Variants in CLNK observed in about 807,000 individuals in gnomAD.
CLNK encodes the protein cytokine dependent hematopoietic cell linker.
In CLNK, 74 loss-of-function variants were observed where a neutral mutation model predicts 68.6. That is an observed-to-expected ratio of 1.08 (90% CI 0.89 to 1.31). The LOEUF is 1.31. Ranked by LOEUF, CLNK falls within the 50% of genes most tolerant of loss-of-function variation. CLNK has a pLI of 0.00. For missense variants in CLNK, 553 were observed against 515.3 expected (o/e 1.07, Z -0.71); for synonymous variants, 198 against 172.2 (o/e 1.15, Z -1.17).
At chr4:10,522,931 A>C (rs1315851034) in intron 14 of CLNK, among the ~76,000 whole-genome samples, 1 of 152,206 alleles carries the variant, frequency 6.6e-6, no homozygotes, top group Non-Finnish European at 1.5e-5. Flanking sequence ...CAGGTAGAGC[A>C]GCATGTGCAA....
At chr4:10,552,836 T>C (rs1313318232) in intron 8 of CLNK, among the ~76,000 whole-genome samples, 1 of 152,180 alleles carries the variant, frequency 6.6e-6, no homozygotes, top group East Asian at 1.9e-4. Context: ...GAAGAACCCC[T>C]CGGGCGGTTA....
At chr4:10,542,423 A>G (rs1719067652) in intron 8 of CLNK, 143 bp from the exon 9 acceptor site, 1 of 625,088 alleles carries the variant, frequency 1.6e-6, no homozygotes, top group African/African-American at 1.9e-5. Flanking sequence ...CATATGAGAT[A>G]CCCAGAATAA....
At chr4:10,513,107 GA>G (rs1364047759) in intron 16 of CLNK, among the ~76,000 whole-genome samples, 4 of 151,974 alleles carry the variant, frequency 2.6e-5, no homozygotes, top group Non-Finnish European at 4.4e-5. Flanking sequence ...TCTTTTGCTG[GA>G]AAAAAATTGC....
chr4:10,579,295 C>A (rs1381333955), intron 4 of CLNK, among the ~76,000 whole-genome samples: 1 of 152,060 alleles, frequency 6.6e-6, no homozygotes, highest in Admixed American at 6.6e-5. Context: ...TCTTGCATTC[C>A]TTTTCACCAT....
At chr4:10,506,722 A>T (rs182755952) in intron 17 of CLNK, among the ~76,000 whole-genome samples, 1 of 152,378 alleles carries the variant, frequency 6.6e-6, no homozygotes, top group African/African-American at 2.4e-5. Flanking sequence ...ATAAATCTAC[A>T]TGGGAAGTTA....
intron 4 of CLNK, among the ~76,000 whole-genome samples, chr4:10,575,194 G>A (rs1399282619): frequency 6.6e-6 from 1 of 152,188 alleles, no homozygotes; most frequent in Non-Finnish European, 1.5e-5. Flanking sequence ...CTGGAATAAA[G>A]CCTGTCTCAG....
intron 18 of CLNK, among the ~76,000 whole-genome samples, chr4:10,493,601 T>C (rs920928454): frequency 6.6e-6 from 1 of 152,150 alleles, no homozygotes; most frequent in African/African-American, 2.4e-5. Context: ...GGCTTAGGAT[T>C]TCAACACATA....
chr4:10,648,795 T>A (rs1723618334), intron 2 of CLNK, among the ~76,000 whole-genome samples: 2 of 152,158 alleles, frequency 1.3e-5, no homozygotes, highest in Admixed American at 1.3e-4. Context: ...AGAAGCTCAG[T>A]ACTAATAAAA....
In CLNK at chr4:10,487,289, G is replaced by C. The variant is rs143323924; in HGVS notation, c.*3178C>G. The C allele has an allele frequency of 6.6e-6, 1 of 152,190 alleles. No homozygotes were observed. Among genetic ancestry groups the C allele is most frequent in the African/African-American group, 2.4e-5 (1 of 41,456 alleles). 9.4% of individuals were successfully genotyped at this position (152,190 alleles called of 1,614,324 possible). A position where few individuals can be genotyped will look rare whatever the true frequency, so the allele number is the denominator to read the frequency against. On this transcript the variant is annotated 3_prime_UTR_variant, in exon 19 of 19. Coordinates refer to ENST00000226951, the MANE Select transcript of CLNK (RefSeq NM_052964.4). ...GCATATGGAGACCTTGGTTCCAGTC[G>C]CGACTATGTCACTGTGAGATTTTGG...
At chr4:10,518,210 T>G (rs1463088952) in intron 15 of CLNK, among the ~76,000 whole-genome samples, 3 of 152,112 alleles carry the variant, frequency 2.0e-5, no homozygotes, top group Non-Finnish European at 2.9e-5. Context: ...AAAACCAAAC[T>G]GATATCAATA....
intron 3 of CLNK, among the ~76,000 whole-genome samples, chr4:10,588,070 C>G (rs1317556502): frequency 3.3e-5 from 5 of 152,138 alleles, no homozygotes; most frequent in Non-Finnish European, 7.3e-5. Flanking sequence ...CAAAAGGCTC[C>G]CAGGACTTGC....
intron 6 of CLNK, among the ~76,000 whole-genome samples, chr4:10,565,179 A>G (rs907523889): frequency 6.6e-6 from 1 of 152,064 alleles, no homozygotes; most frequent in African/African-American, 2.4e-5. Flanking sequence ...CTGCCACTAG[A>G]TTGCACCTTC....
intron 2 of CLNK, among the ~76,000 whole-genome samples, chr4:10,661,972 T>C (rs1367337365): frequency 6.6e-6 from 1 of 152,218 alleles, no homozygotes; most frequent in African/African-American, 2.4e-5. Context: ...CTATCTCTAT[T>C]TTATTGTTTT....
chr4:10,550,449 C>G (rs912269342), intron 8 of CLNK, among the ~76,000 whole-genome samples: 1 of 152,016 alleles, frequency 6.6e-6, no homozygotes, highest in Non-Finnish European at 1.5e-5. Context: ...GAGCCAAGAT[C>G]GCGCCACTGC....
intron 11 of CLNK, among the ~76,000 whole-genome samples, chr4:10,537,635 T>G (rs566880443): frequency 8.2e-6 from 1 of 122,104 alleles, no homozygotes; most frequent in Non-Finnish European, 1.7e-5. Context: ...CTTTCTTTCT[T>G]TCTCTTTCTT....
intron 1 of CLNK, among the ~76,000 whole-genome samples, chr4:10,679,228 T>C (rs2108902115): frequency 6.6e-6 from 1 of 152,300 alleles, no homozygotes; most frequent in Non-Finnish European, 1.5e-5. Context: ...TACAACTATC[T>C]GATCTTTGAC....
chr4:10,694,663 T>A, the CLNK span, among the ~76,000 whole-genome samples: 3 of 152,200 alleles, frequency 2.0e-5, no homozygotes, highest in Non-Finnish European at 2.9e-5. Flanking sequence ...TGCACAACTA[T>A]GAAATCACCT....
At chr4:10,698,352 T>A in the CLNK span, among the ~76,000 whole-genome samples, 41 of 152,348 alleles carry the variant, frequency 2.7e-4, no homozygotes, top group South Asian at 7.9e-3. Context: ...TATAGTTGAA[T>A]CTTTGACCCT....
chr4:10,514,404 T>A (rs1262187144), intron 15 of CLNK, among the ~76,000 whole-genome samples: 4 of 151,896 alleles, frequency 2.6e-5, no homozygotes, highest in Non-Finnish European at 2.9e-5. Flanking sequence ...AAAACAGAGA[T>A]ATAGATCAAT....
Sources: gnomAD v4.1 joint callset for allele counts (sites outside exome capture counted in the v4.1 genomes callset) on GRCh38, gnomAD v4.1.1 for gene constraint, MANE v1.5 for transcripts, NCBI Gene and HGNC (gene_info 2026-07-23, HGNC 2026-07-21) for gene names.